Variants in CFAP47 observed in about 807,000 individuals in gnomAD.
CFAP47 encodes cilia- and flagella-associated protein 47.
CFAP47 carries 29 observed loss-of-function variants against 148.1 expected under a neutral mutation model. The observed-to-expected ratio is 0.20, with a 90% CI of 0.15 to 0.27. The LOEUF is 0.27. Among genes scored for constraint, CFAP47 ranks in the 10% least tolerant of loss-of-function variants. The probability of loss-of-function intolerance (pLI) is 1.00; values close to 1 mark genes in which losing one functional copy is unlikely to be tolerated. For missense variants in CFAP47, 1,872 were observed against 1,697.5 expected, an observed-to-expected ratio of 1.10 and a Z score of -1.81; for synonymous variants, 664 against 577.3, an observed-to-expected ratio of 1.15 and a Z score of -2.15.
intron 49 of CFAP47, among the ~76,000 whole-genome samples, chrX:36,262,619 A>G (rs1569302756): frequency 8.9e-6 from 1 of 111,935 alleles, no homozygotes; most frequent in Non-Finnish European, 1.9e-5. Context: ...TCATCTGTTG[A>G]TGTATGCTAA....
intron 56 of CFAP47, among the ~76,000 whole-genome samples, chrX:36,311,445 TA>T (rs1442942645): frequency 9.0e-6 from 1 of 111,087 alleles, no homozygotes; most frequent in African/African-American, 3.3e-5. Flanking sequence ...TATATGTTTT[TA>T]ATTAGATTAT....
chrX:36,232,744 G>T (rs1478741896), intron 46 of CFAP47, among the ~76,000 whole-genome samples: 2 of 111,453 alleles, frequency 1.8e-5, no homozygotes, highest in Non-Finnish European at 3.8e-5. Flanking sequence ...TTTCTCTTGT[G>T]GGCATTTAGT....
At chrX:35,985,895 G>A in intron 15 of CFAP47, 1 of 317,935 alleles carries the variant, frequency 3.1e-6, no homozygotes, top group South Asian at 3.1e-5. Context: ...CTCCTAAGCG[G>A]CTCTCCCTGC....
intron 15 of CFAP47, among the ~76,000 whole-genome samples, chrX:35,986,651 T>C (rs148784447): frequency 0.022 from 2,463 of 110,584 alleles, 81 homozygotes; most frequent in African/African-American, 0.077. Flanking sequence ...GTTCCCTTGC[T>C]GGCGAGGAGT....
intron 57 of CFAP47, among the ~76,000 whole-genome samples, chrX:36,346,320 A>G (rs2146982257): frequency 9.0e-6 from 1 of 110,898 alleles, no homozygotes; most frequent in South Asian, 3.8e-4. Context: ...GCTCAGCCTA[A>G]ATAAATCAGA....
At chrX:36,087,594 C>A (rs1481798226) in intron 30 of CFAP47, among the ~76,000 whole-genome samples, 2 of 111,985 alleles carry the variant, frequency 1.8e-5, no homozygotes, top group Non-Finnish European at 3.8e-5. Context: ...GGGCAGAAAC[C>A]ACATCTCATT....
At chrX:35,979,952 T>C (rs1170365871) in intron 15 of CFAP47, among the ~76,000 whole-genome samples, 2 of 112,096 alleles carry the variant, frequency 1.8e-5, no homozygotes, top group African/African-American at 6.5e-5. Flanking sequence ...AACCTATAGC[T>C]GGAATGCCGA....
At chrX:36,373,526 G>A (rs1435460747) in intron 62 of CFAP47, among the ~76,000 whole-genome samples, 2 of 110,988 alleles carry the variant, frequency 1.8e-5, no homozygotes, top group African/African-American at 6.5e-5. Flanking sequence ...GATAGGGATA[G>A]ATGATAGTAT....
intron 59 of CFAP47, among the ~76,000 whole-genome samples, chrX:36,353,027 G>A (rs73199387): frequency 0.061 from 6,698 of 109,788 alleles, 403 homozygotes; most frequent in African/African-American, 0.18. Context: ...ATGTAAAAAC[G>A]TAATGAATCT....
At chrX:36,252,452 A>G (rs150803703) in intron 49 of CFAP47, among the ~76,000 whole-genome samples, 31 of 110,712 alleles carry the variant, frequency 2.8e-4, no homozygotes, top group Middle Eastern at 4.7e-3. Flanking sequence ...ACAGCTGCCA[A>G]TCCCCATTCC....
intron 33 of CFAP47, among the ~76,000 whole-genome samples, chrX:36,132,815 A>G (rs191059049): frequency 1.2e-3 from 135 of 112,095 alleles, no homozygotes; most frequent in Non-Finnish European, 3.8e-4. Context: ...TCAACAAGTA[A>G]GAATATCAAA....
intron 57 of CFAP47, among the ~76,000 whole-genome samples, chrX:36,327,481 G>A (rs1028719006): frequency 6.3e-5 from 7 of 111,987 alleles, no homozygotes; most frequent in Admixed American, 2.8e-4. Flanking sequence ...TGCTGGCATG[G>A]TTGTGGAGAA....
At chrX:36,031,451 A>G (rs1414857836) in intron 23 of CFAP47, 104 bp downstream of exon 23, 1 of 262,061 alleles carries the variant, frequency 3.8e-6, no homozygotes, top group Non-Finnish European at 6.7e-6. Flanking sequence ...ACTATTCCCT[A>G]TGATTAATTT....
intron 51 of CFAP47, among the ~76,000 whole-genome samples, chrX:36,286,418 A>G (rs1941133658): frequency 9.6e-6 from 1 of 103,872 alleles, no homozygotes; most frequent in African/African-American, 3.4e-5. Context: ...GGTTCCAATA[A>G]ATAGAAAGTA....
At chrX:36,154,945 G>C (rs1939349968) in intron 37 of CFAP47, among the ~76,000 whole-genome samples, 1 of 110,337 alleles carries the variant, frequency 9.1e-6, no homozygotes. Flanking sequence ...GTCCATTCAG[G>C]CTGCTATAAC....
At chrX:35,923,891 ATG>A (rs1428158509) in intron 1 of CFAP47, among the ~76,000 whole-genome samples, 3 of 74,889 alleles carry the variant, frequency 4.0e-5, no homozygotes, top group African/African-American at 8.9e-5. Flanking sequence ...GTACATATAT[ATG>A]TGTATATATG....
intron 22 of CFAP47, among the ~76,000 whole-genome samples, chrX:36,024,724 G>A (rs1043202680): frequency 9.0e-6 from 1 of 111,138 alleles, no homozygotes; most frequent in African/African-American, 3.3e-5. Flanking sequence ...TGCTCTAATA[G>A]GGCAGTACCG....
chrX:36,384,440 G>T (rs782095543), intron 63 of CFAP47, among the ~76,000 whole-genome samples: 2 of 112,015 alleles, frequency 1.8e-5, no homozygotes, highest in African/African-American at 6.5e-5. Context: ...CATTTCTATG[G>T]TTACACTTAA....
At chrX:35,965,015 C>A (rs1209015800) in intron 8 of CFAP47, among the ~76,000 whole-genome samples, 1 of 111,559 alleles carries the variant, frequency 9.0e-6, no homozygotes, top group Non-Finnish European at 1.9e-5. Flanking sequence ...ATTGGCCATA[C>A]TTTCCTGATT....
Sources: gnomAD v4.1 joint callset for allele counts (sites outside exome capture counted in the v4.1 genomes callset) on GRCh38, gnomAD v4.1.1 for gene constraint, MANE v1.5 for transcripts, NCBI Gene and HGNC (gene_info 2026-07-23, HGNC 2026-07-21) for gene names.